The following KIF7 variants were observed in gnomAD, a reference collection of about 807,000 sequenced individuals.
The protein encoded by KIF7 is kinesin-like protein KIF7.
Under a neutral mutation model 135.7 loss-of-function variants are expected in KIF7, and 104 were observed. The ratio of observed to expected loss-of-function variants is 0.77; its 90% confidence interval spans 0.65 to 0.90. The LOEUF (loss-of-function observed/expected upper bound fraction) is 0.90. Ranked by LOEUF, KIF7 falls within the 40% of genes least tolerant of loss-of-function variation. The pLI is 0.00. For missense variants in KIF7, 2,005 were observed against 1,839.1 expected (o/e 1.09, Z -1.65); for synonymous variants, 883 against 809.4 (o/e 1.09, Z -1.54).
In KIF7 at chr15:89,628,327, G is replaced by A. The variant is rs549330096; in HGVS notation, c.*92C>T. ...ATGAGGGCCTGGATTTAGGGTGTGC[G>A]GTAAGGACTGCCCTTCACAGAAGCA... On this transcript the variant is annotated 3_prime_UTR_variant, in exon 19 of 19. Transcript: ENST00000394412. The A allele has an allele frequency of 6.8e-5, 101 of 1,481,736 alleles. No homozygotes were observed. In the Admixed American group the frequency reaches 1.2e-3, roughly 18 times the overall value. The allele number at this position is 1,481,736 out of a possible 1,614,324, so 91.8% of individuals were successfully genotyped here. A position where few individuals can be genotyped will look rare whatever the true frequency, so the allele number is the denominator to read the frequency against.
downstream of KIF7, chr15:89,625,182 C>A: frequency 6.2e-7 from 1 of 1,613,820 alleles, no homozygotes; most frequent in Non-Finnish European, 8.5e-7. Flanking sequence ...ATGTGTCACC[C>A]CCCTGCCCCC....
chr15:89,628,858 G>GC (rs1403681255), intron 18 of KIF7, 72 bp from the exon 19 acceptor site: 1 of 1,610,070 alleles, frequency 6.2e-7, no homozygotes, highest in East Asian at 2.2e-5. Context: ...GCTCCCCAGT[G>GC]CCCCAGCACA....
At position 89,630,405 on chromosome 15, in the gene KIF7, TGGC is replaced by T; in HGVS notation, c.3197_3199del (p.Arg1066del). On this transcript the variant is annotated inframe_deletion, in exon 16 of 19. Coordinates refer to ENST00000394412, the MANE Select transcript of KIF7 (RefSeq NM_198525.3). ...CGAGGCTGAGGCCCGAAGCACCCGC[TGGC>T]GGCATGTGATGGCCTCATTCTTATA... The T allele has an allele frequency of 1.2e-6, 2 of 1,611,052 alleles. No homozygotes were observed. Among genetic ancestry groups the T allele is most frequent in the Non-Finnish European group, 8.5e-7 (1 of 1,178,634 alleles).
Position 89,631,684 on chromosome 15 carries a change from C to T in KIF7, c.2922G>A (p.Val974=). The T allele has an allele frequency of 6.4e-7, 1 of 1,556,726 alleles. No individual in the cohort carries two copies. The highest frequency in any genetic ancestry group is 2.4e-5 in the East Asian group (1 of 41,326). ...SQALNEDIVR[V]SSRLEHLEKE... is the part of the protein sequence containing the mutation. ...TCTCCAGGTGCTCCAGCCGGCTGGACACTCGCACGATGTCCTCGTTGAGGG... is the reference window on the plus strand; with the variant it reads ...TCTCCAGGTGCTCCAGCCGGCTGGATACTCGCACGATGTCCTCGTTGAGGG... The change falls in exon 15 of 19, where the codon GTG becomes GTA. Residue 974 remains valine, a synonymous_variant. Coordinates refer to ENST00000394412, the MANE Select transcript of KIF7 (RefSeq NM_198525.3).
Position 89,649,655 on chromosome 15 carries a change from T to C in KIF7, c.529+86A>G, listed in dbSNP as rs1964091654. Reference sequence around the variant, plus strand: ...TTGGGTTTTCCATGAGGAGTTGCCATTCCCAGACAGGTAAGCACTCCACTC... The same window carrying C: ...TTGGGTTTTCCATGAGGAGTTGCCACTCCCAGACAGGTAAGCACTCCACTC... On this transcript the variant is annotated intron_variant, in intron 3 of 18. Coordinates refer to ENST00000394412, the MANE Select transcript of KIF7 (RefSeq NM_198525.3). 5.6e-6 allele frequency: 8 copies of C among 1,421,428 alleles called. No homozygotes were observed. In the South Asian group the frequency reaches 9.7e-5, roughly 17 times the overall value. The allele number at this position is 1,421,428 out of a possible 1,614,324, so 88.1% of individuals were successfully genotyped here.
intron 10 of KIF7, 23 bp from the exon 11 acceptor site, chr15:89,642,428 G>T: frequency 6.5e-7 from 1 of 1,549,476 alleles, no homozygotes; most frequent in Admixed American, 1.9e-5. Context: ...GGGAATGTCA[G>T]CACAGGCAGC....
chr15:89,645,909 T>C lies in KIF7; in HGVS notation c.1906A>G (p.Thr636Ala), dbSNP rs573596238. The C allele has an allele frequency of 6.2e-7, 1 of 1,613,512 alleles. No homozygotes were observed. Among genetic ancestry groups the C allele is most frequent in the Admixed American group, 1.7e-5 (1 of 60,006 alleles). ...EEEEEEPPRR[T>A]LHLRRNRISN... The stretch of plus-strand genomic sequence containing the variant: ...CCCACTCACCTGCGCAGGTGTAAGG[T>C]CCGCCTGGGCGGCTCCTCCTCCTCC... The change falls in exon 8 of 19, where the codon ACC (threonine) becomes GCC (alanine). Residue 636 changes from threonine (T) to alanine (A), a missense_variant. Coordinates refer to ENST00000394412, the MANE Select transcript of KIF7 (RefSeq NM_198525.3).
chr15:89,630,802 G>T, intron 15 of KIF7: 2 of 474,178 alleles, frequency 4.2e-6, no homozygotes, highest in Non-Finnish European at 7.8e-6. Context: ...GAGGCACCAC[G>T]GTGTCTGCTG....
At chr15:89,660,238 C>A (rs577415356), upstream of KIF7, among the ~76,000 whole-genome samples, 5 of 152,288 alleles carry the variant, frequency 3.3e-5, no homozygotes, top group East Asian at 9.6e-4. Context: ...TGTCTATTGA[C>A]AGGAGAGTGA....
intron 1 of KIF7, among the ~76,000 whole-genome samples, chr15:89,618,845 G>A (rs1379446875): frequency 2.6e-5 from 4 of 152,244 alleles, no homozygotes; most frequent in Non-Finnish European, 5.9e-5. Context: ...TATGGTCCCA[G>A]CTACTCGGGA....
chr15:89,657,554 C>G (rs377100272), upstream of KIF7, among the ~76,000 whole-genome samples: 254 of 152,154 alleles, frequency 1.7e-3, 1 homozygote, highest in African/African-American at 4.7e-3. Flanking sequence ...GGTGTGTACC[C>G]GAGTGTCCAA....
At chr15:89,626,002 C>G (rs144405496), downstream of KIF7, 1,672 of 1,611,956 alleles carry the variant, frequency 1.0e-3, 5 homozygotes, top group Middle Eastern at 1.7e-3. Context: ...CAGGCTCTGA[C>G]CCAGTCTCCG....
downstream of KIF7, chr15:89,624,646 A>C (rs368030032): frequency 6.1e-5 from 98 of 1,614,098 alleles, no homozygotes; most frequent in East Asian, 5.8e-4. Context: ...CCCTGGTCTC[A>C]GGAGTGATTG....
intron 1 of KIF7, chr15:89,621,627 T>C (rs1963427234): frequency 7.8e-7 from 1 of 1,286,816 alleles, no homozygotes; most frequent in Non-Finnish European, 1.1e-6. Flanking sequence ...TCAGAGTCCA[T>C]TAGGGAAGAG....
intron 7 of KIF7, 80 bp downstream of exon 7, chr15:89,646,750 G>GC: frequency 8.0e-7 from 1 of 1,255,848 alleles, no homozygotes; most frequent in Admixed American, 1.7e-5. Flanking sequence ...GGGGACACGT[G>GC]CCCCAGTGCC....
rs1963870605 is a variant in KIF7 at position 89,639,203 on chromosome 15, G to A, written c.2394+3000C>T. ...CATAAAAACTCTAGAAGAAAACCTA[G>A]GCATTACCATTTAGGACATAGGCAT... On this transcript the variant is annotated intron_variant, in intron 11 of 18. Transcript: ENST00000394412. Among the ~76,000 whole-genome samples the A allele has an allele frequency of 2.0e-5, 3 of 152,124 alleles. No individual in the cohort carries two copies. In the South Asian group the frequency reaches 6.2e-4, roughly 32 times the overall value.
chr15:89,631,928 G>T (rs995213203), intron 14 of KIF7, among the ~76,000 whole-genome samples: 6 of 152,342 alleles, frequency 3.9e-5, no homozygotes, highest in Middle Eastern at 6.8e-3. Flanking sequence ...CAGAGATGGC[G>T]AGAGGAGGAT....
At chr15:89,657,108 G>A (rs2142042862), upstream of KIF7, among the ~76,000 whole-genome samples, 1 of 152,242 alleles carries the variant, frequency 6.6e-6, no homozygotes, top group African/African-American at 2.4e-5. Context: ...AGGAGTTTGA[G>A]ACCAACCTGG....
the KIF7 span, among the ~76,000 whole-genome samples, chr15:89,661,653 T>A: frequency 2.0e-5 from 3 of 152,168 alleles, no homozygotes. Flanking sequence ...ACTAACAAGG[T>A]ATGCAGAAGT....
Sources: allele counts gnomAD v4.1 joint callset (sites outside exome capture counted in the v4.1 genomes callset), GRCh38; gene constraint gnomAD v4.1.1; transcripts MANE v1.5; gene names NCBI Gene and HGNC (gene_info 2026-07-23, HGNC 2026-07-21).